UBR2: variants seen among roughly 807,000 people sequenced by gnomAD.
The protein encoded by UBR2 is E3 ubiquitin-protein ligase UBR2.
UBR2 carries 92 observed loss-of-function variants against 247.9 expected under a neutral mutation model. That is an observed-to-expected ratio of 0.37 (90% CI 0.31 to 0.44). UBR2 has a LOEUF of 0.44. Among genes scored for constraint, UBR2 ranks in the 20% least tolerant of loss-of-function variants. UBR2 has a pLI of 1.00. For missense variants in UBR2, 1,613 were observed against 2,112.6 expected, an observed-to-expected ratio of 0.76 and a Z score of 4.64; for synonymous variants, 672 against 693.5, an observed-to-expected ratio of 0.97 and a Z score of 0.49.
intron 1 of UBR2, among the ~76,000 whole-genome samples, chr6:42,567,818 T>G (rs1790872957): frequency 6.6e-6 from 1 of 152,052 alleles, no homozygotes; most frequent in Non-Finnish European, 1.5e-5. Context: ...GGAGGACTGC[T>G]TAAGTCTAAG....
At chr6:42,642,270 T>C in intron 17 of UBR2, 146 bp from the exon 18 acceptor site, 1 of 627,580 alleles carries the variant, frequency 1.6e-6, no homozygotes, top group Non-Finnish European at 2.8e-6. Context: ...AATTAATTAA[T>C]CTTTACTAAG....
At position 42,676,207 on chromosome 6, in the gene UBR2, T is replaced by G. The variant is rs1323346320; in HGVS notation, c.4387+16T>G. 6.5e-7 allele frequency: 1 copy of G among 1,547,752 alleles called. No individual in the cohort carries two copies. Among genetic ancestry groups the G allele is most frequent in the Non-Finnish European group, 8.7e-7 (1 of 1,154,506 alleles). The stretch of plus-strand genomic sequence containing the variant: ...TCATGTACAGGTAACTCTTGCCTTT[T>G]TGTCAGTTTCTTGAAGGAAATACTT... On this transcript the variant is annotated intron_variant, in intron 39 of 46. Transcript: ENST00000372901.
chr6:42,582,373 A>G (rs912993953), intron 2 of UBR2, among the ~76,000 whole-genome samples: 3 of 152,030 alleles, frequency 2.0e-5, no homozygotes, highest in Non-Finnish European at 2.9e-5. Flanking sequence ...CTGTAATAAT[A>G]CAGTGAATAC....
chr6:42,585,266 T>G (rs1352360753), intron 2 of UBR2, among the ~76,000 whole-genome samples: 1 of 152,198 alleles, frequency 6.6e-6, no homozygotes, highest in East Asian at 1.9e-4. Flanking sequence ...TTTTTCACAT[T>G]TTTTTATTAC....
intron 40 of UBR2, among the ~76,000 whole-genome samples, chr6:42,677,548 C>T (rs186797406): frequency 1.3e-5 from 2 of 152,178 alleles, no homozygotes; most frequent in African/African-American, 4.8e-5. Flanking sequence ...GAGAATGAGG[C>T]TGGCAGATTG....
At chr6:42,671,587 G>A (rs1198901656) in intron 36 of UBR2, among the ~76,000 whole-genome samples, 1 of 152,086 alleles carries the variant, frequency 6.6e-6, no homozygotes, top group Non-Finnish European at 1.5e-5. Flanking sequence ...TTTTGCGTGG[G>A]CATTTTTTAG....
intron 34 of UBR2, among the ~76,000 whole-genome samples, chr6:42,668,329 T>C (rs141856211): frequency 6.6e-6 from 1 of 152,260 alleles, no homozygotes; most frequent in African/African-American, 2.4e-5. Context: ...ATTGATAGTT[T>C]GGGTGTAGAA....
chr6:42,565,098 A>G (rs984146041), intron 1 of UBR2, among the ~76,000 whole-genome samples: 2 of 152,256 alleles, frequency 1.3e-5, no homozygotes, highest in African/African-American at 4.8e-5. Context: ...TTGATAGAGC[A>G]GCTTTCAACA....
At chr6:42,576,709 T>C (rs939680313) in intron 2 of UBR2, among the ~76,000 whole-genome samples, 3 of 151,950 alleles carry the variant, frequency 2.0e-5, no homozygotes, top group Non-Finnish European at 4.4e-5. Flanking sequence ...TTAGTAGGGA[T>C]GGGGTTTCAC....
At chr6:42,582,420 T>C (rs185756123) in intron 2 of UBR2, among the ~76,000 whole-genome samples, 1 of 152,342 alleles carries the variant, frequency 6.6e-6, no homozygotes, top group East Asian at 1.9e-4. Context: ...TATTACCATT[T>C]TTATTCAAGT....
rs1798374855 is a variant in UBR2 at position 42,670,691 on chromosome 6, G to A, written c.4062G>A (p.Leu1354=). The A allele has an allele frequency of 1.9e-6, 3 of 1,610,476 alleles. No individual in the cohort carries two copies. Among genetic ancestry groups the A allele is most frequent in the Non-Finnish European group, 2.5e-6 (3 of 1,178,398 alleles). The change falls in exon 36 of 47, where the codon TTG becomes TTA. Residue 1354 remains leucine, a synonymous_variant. Transcript: ENST00000372901. The stretch of plus-strand genomic sequence containing the variant: ...TTTTGAGTGATGAAGATAAACCATT[G>A]TTTGGTCCTTTACCTTGCAGACTGG... ...ERILSDEDKP[L]FGPLPCRLDD...
Position 42,605,666 on chromosome 6 carries a change from C to G in UBR2, c.663-55C>G, listed in dbSNP as rs1320048889. On this transcript the variant is annotated intron_variant, in intron 5 of 46. Coordinates refer to ENST00000372901, the MANE Select transcript of UBR2 (RefSeq NM_001363705.2). The stretch of plus-strand genomic sequence containing the variant: ...CAAAGTAGTCTCTTAATAAGTCAGC[C>G]TGGAGCAAGATAATAAACAAATAGA... 3.9e-6 allele frequency: 6 copies of G among 1,534,188 alleles called. No individual in the cohort carries two copies. In the Admixed American group the frequency reaches 1.2e-4, roughly 30 times the overall value.
intron 22 of UBR2, among the ~76,000 whole-genome samples, chr6:42,650,057 C>T (rs975889166): frequency 6.6e-6 from 1 of 152,212 alleles, no homozygotes; most frequent in Admixed American, 6.5e-5. Context: ...GTGTCCATCA[C>T]GTTCACTTGT....
In UBR2 at chr6:42,606,651, G is replaced by C. The variant is rs1289223494; in HGVS notation, c.864G>C (p.Val288=). 1 of 1,599,888 alleles carries C rather than the reference G, an allele frequency of 6.3e-7. No individual in the cohort carries two copies. The highest frequency in any genetic ancestry group is 8.5e-7 in the Non-Finnish European group (1 of 1,174,108). The stretch of plus-strand genomic sequence containing the variant: ...GTGAGCAAGCAAAATCAGTAATTGT[G>C]GTAAGTAATTTAAAAACATGCTTAT... The part of the protein sequence containing the change: ...QYCEQAKSVI[V]RNTSRQTKPL... Residue 288 remains valine, a splice_region_variant and synonymous_variant, in exon 7 of 47, where the codon GTG becomes GTC. Transcript: ENST00000372901.
chr6:42,570,293 C>T (rs894238895), intron 1 of UBR2, among the ~76,000 whole-genome samples: 22 of 152,158 alleles, frequency 1.4e-4, no homozygotes, highest in African/African-American at 4.1e-4. Flanking sequence ...AGTACAGTGG[C>T]GTGATCTAGG....
rs1797696257 is a variant in UBR2, at chr6:42,659,765, A to C, written c.3352A>C (p.Lys1118Gln). The change falls in exon 30 of 47, where the codon AAA (lysine) becomes CAA (glutamine). Residue 1118 changes from lysine to glutamine, a missense_variant. Physicochemically the swap from Lys to Gln is moderately conservative, Grantham distance 53. Around this residue, in one of 3 missense-constraint regions of UBR2, gnomAD observed 1,524 missense variants for 1,967.3 expected, o/e 0.77. Transcript: ENST00000372901. The surrounding 1 kb of genome is among the most constrained non-coding windows in gnomAD (Gnocchi z 4.3). ...ATTGTGTCAAGAGGAGCAAGAAGTTAAAGTGGAAAGCAGGGCAATGGTCTT... is the reference window on the plus strand; with the variant it reads ...ATTGTGTCAAGAGGAGCAAGAAGTTCAAGTGGAAAGCAGGGCAATGGTCTT... ...CILCQEEQEV[K>Q]VESRAMVLAA... is the part of the protein sequence containing the mutation. 1 of 1,614,088 alleles carries C rather than the reference A, an allele frequency of 6.2e-7. No homozygotes were observed.
chr6:42,583,992 A>ATTTT (rs199507142), intron 2 of UBR2, among the ~76,000 whole-genome samples: 1 of 120,610 alleles, frequency 8.3e-6, no homozygotes, highest in African/African-American at 3.2e-5. Flanking sequence ...TCCCCATTGA[A>ATTTT]TTTTTTTTTT....
At chr6:42,610,396 A>G (rs1199896274) in intron 7 of UBR2, among the ~76,000 whole-genome samples, 1 of 152,220 alleles carries the variant, frequency 6.6e-6, no homozygotes, top group Non-Finnish European at 1.5e-5. Flanking sequence ...CCGTTCAAGC[A>G]TCATAATTCA....
intron 21 of UBR2, among the ~76,000 whole-genome samples, chr6:42,647,417 T>TAAAAAAAAA (rs750938791): frequency 9.8e-6 from 1 of 102,168 alleles, no homozygotes; most frequent in South Asian, 3.6e-4. Context: ...CCATCGCTAC[T>TAAAAAAAAA]AAAAAAAAAA....
Sources: allele counts gnomAD v4.1 joint callset (sites outside exome capture counted in the v4.1 genomes callset), GRCh38; gene constraint gnomAD v4.1.1; regional missense constraint gnomAD v4.1.1; non-coding constraint Gnocchi (gnomAD v3.1); transcripts MANE v1.5; gene names NCBI Gene and HGNC (gene_info 2026-07-23, HGNC 2026-07-21).